Variants in KCNB2 observed in about 807,000 individuals in gnomAD.
KCNB2 encodes potassium voltage-gated channel subfamily B member 2.
In KCNB2, 15 loss-of-function variants were observed where a neutral mutation model predicts 61.5. The ratio of observed to expected loss-of-function variants is 0.24; its 90% confidence interval spans 0.16 to 0.38. The LOEUF (loss-of-function observed/expected upper bound fraction) is 0.38. Among genes scored for constraint, KCNB2 ranks in the 10% least tolerant of loss-of-function variants. KCNB2 has a pLI of 1.00. For synonymous variants in KCNB2, 457 were observed against 446.0 expected (o/e 1.02, Z -0.31); for missense variants, 828 against 1,125.2 (o/e 0.74, Z 3.78).
intron 2 of KCNB2, among the ~76,000 whole-genome samples, chr8:72,569,525 T>C (rs990146030): frequency 1.3e-5 from 2 of 152,184 alleles, no homozygotes; most frequent in Admixed American, 1.3e-4. Context: ...CTAAGTGAAA[T>C]AAAATGATAT....
Position 72,937,742 on chromosome 8 carries a change from T to C in KCNB2, c.2387T>C (p.Phe796Ser), listed in dbSNP as rs1165864641. The change falls in exon 3 of 3, where the codon TTC becomes TCC. Residue 796 changes from phenylalanine to serine, a missense_variant. By Grantham distance (155) the Phe-to-Ser change is radical. Around this residue, in one of 4 missense-constraint regions of KCNB2, gnomAD observed 559 missense variants for 588.4 expected, o/e 0.95. Transcript: ENST00000523207. ...TTTCCCAAGCAGAAACTGTTCCCTT[T>C]CTCTTCAAGAGAGAGGAGGAGCTTC... Reference protein sequence around the residue: ...PRFPKQKLFPFSSRERRSFTE... With the variant: ...PRFPKQKLFPSSSRERRSFTE... 6.2e-7 allele frequency: 1 copy of C among 1,613,724 alleles called. No homozygotes were observed. The highest frequency in any genetic ancestry group is 8.5e-7 in the Non-Finnish European group (1 of 1,180,008).
intron 2 of KCNB2, among the ~76,000 whole-genome samples, chr8:72,829,951 G>GA (rs1334149880): frequency 7.5e-6 from 1 of 134,018 alleles, no homozygotes; most frequent in African/African-American, 2.8e-5. Context: ...AGTAAGAAGG[G>GA]AAAAAGAAAT....
chr8:72,723,654 C>T (rs1471976867), intron 2 of KCNB2, among the ~76,000 whole-genome samples: 1 of 152,130 alleles, frequency 6.6e-6, no homozygotes, highest in Non-Finnish European at 1.5e-5. Flanking sequence ...TCTACCTAGC[C>T]TCAGACACTA....
chr8:72,549,921 C>T (rs2128977215), intron 1 of KCNB2, among the ~76,000 whole-genome samples: 1 of 152,302 alleles, frequency 6.6e-6, no homozygotes, highest in African/African-American at 2.4e-5. Flanking sequence ...TGTTAGATGT[C>T]ACTGCTCCTA....
chr8:72,651,408 T>C (rs1160581410), intron 2 of KCNB2, among the ~76,000 whole-genome samples: 2 of 152,138 alleles, frequency 1.3e-5, no homozygotes, highest in Admixed American at 6.6e-5. Flanking sequence ...TGGTGTTGGA[T>C]AACAAAACAG....
intron 2 of KCNB2, among the ~76,000 whole-genome samples, chr8:72,862,310 A>C (rs1805432969): frequency 6.6e-6 from 1 of 152,336 alleles, no homozygotes; most frequent in South Asian, 2.1e-4. Context: ...TTAAACAAAT[A>C]ATTAGTTTTC....
chr8:72,695,045 A>G (rs532693292), intron 2 of KCNB2, among the ~76,000 whole-genome samples: 1 of 152,220 alleles, frequency 6.6e-6, no homozygotes, highest in Non-Finnish European at 1.5e-5. Flanking sequence ...AAACTTCATC[A>G]TTATATGCCT....
At chr8:72,689,311 A>G (rs1412942099) in intron 2 of KCNB2, among the ~76,000 whole-genome samples, 1 of 152,230 alleles carries the variant, frequency 6.6e-6, no homozygotes, top group Non-Finnish European at 1.5e-5. Context: ...CACACAAGCA[A>G]TAAATGTAGT....
At chr8:72,935,462 T>G (rs1361737830) in intron 2 of KCNB2, among the ~76,000 whole-genome samples, 1 of 152,200 alleles carries the variant, frequency 6.6e-6, no homozygotes, top group East Asian at 1.9e-4. Context: ...TTGTACTGAG[T>G]GCCATGTTCT....
At chr8:72,564,740 C>G (rs1320665272) in intron 1 of KCNB2, among the ~76,000 whole-genome samples, 1 of 152,080 alleles carries the variant, frequency 6.6e-6, no homozygotes, top group East Asian at 1.9e-4. Flanking sequence ...GGGTTGAGGG[C>G]TCAGTAGAGA....
intron 2 of KCNB2, among the ~76,000 whole-genome samples, chr8:72,896,607 C>T (rs1214465823): frequency 1.3e-5 from 2 of 152,044 alleles, no homozygotes; most frequent in East Asian, 3.9e-4. Context: ...TCTAATTTTG[C>T]CAGCAGCAAA....
chr8:72,648,420 C>T (rs1806164096), intron 2 of KCNB2, among the ~76,000 whole-genome samples: 1 of 152,138 alleles, frequency 6.6e-6, no homozygotes, highest in Non-Finnish European at 1.5e-5. Flanking sequence ...CACAGGCATT[C>T]ACCACCCATG....
chr8:72,859,070 A>G (rs972006524), intron 2 of KCNB2, among the ~76,000 whole-genome samples: 1 of 152,158 alleles, frequency 6.6e-6, no homozygotes, highest in African/African-American at 2.4e-5. Flanking sequence ...AGTTTTCACA[A>G]TTAATGCCTC....
At chr8:72,686,774 G>C (rs192649304) in intron 2 of KCNB2, among the ~76,000 whole-genome samples, 123 of 152,262 alleles carry the variant, frequency 8.1e-4, no homozygotes, top group African/African-American at 2.8e-3. Flanking sequence ...TTGGTGATTT[G>C]GGTTAGAAAC....
In KCNB2 at chr8:72,783,739, C is replaced by T. The variant is rs564415788; in HGVS notation, c.580-152196C>T. 3.2e-4 allele frequency among the ~76,000 whole-genome samples: 49 copies of T among 152,254 alleles called. 1 individual carries two copies. In the South Asian group the frequency reaches 8.9e-3, roughly 28 times the overall value. On this transcript the variant is annotated intron_variant, in intron 2 of 2. Coordinates refer to ENST00000523207, the MANE Select transcript of KCNB2 (RefSeq NM_004770.3). Reference sequence around the variant, plus strand: ...CCAGGGACCTGCCTTTTGTTTCCTGCGTACACCAGGCACGTAGCCATTTGG... The same window carrying T: ...CCAGGGACCTGCCTTTTGTTTCCTGTGTACACCAGGCACGTAGCCATTTGG...
At chr8:72,835,389 G>T (rs10112118) in intron 2 of KCNB2, among the ~76,000 whole-genome samples, 22,933 of 152,144 alleles carry the variant, frequency 0.15, 2,363 homozygotes, top group African/African-American at 0.29. Flanking sequence ...AACAAGCTAA[G>T]CATAAGCTCC....
intron 2 of KCNB2, among the ~76,000 whole-genome samples, chr8:72,928,011 CA>C (rs1383159178): frequency 1.1e-4 from 17 of 151,946 alleles, no homozygotes; most frequent in Non-Finnish European, 1.5e-5. Flanking sequence ...AACATTTTTC[CA>C]ACAGGAAAAA....
At chr8:72,649,897 G>A (rs1311903206) in intron 2 of KCNB2, among the ~76,000 whole-genome samples, 1 of 152,120 alleles carries the variant, frequency 6.6e-6, no homozygotes, top group Non-Finnish European at 1.5e-5. Context: ...GATGACTTTT[G>A]CATCTCACTA....
chr8:72,796,315 A>G (rs1189035685), intron 2 of KCNB2, among the ~76,000 whole-genome samples: 1 of 152,300 alleles, frequency 6.6e-6, no homozygotes, highest in Admixed American at 6.5e-5. Flanking sequence ...CTGGGTTTTC[A>G]TCACAAATAC....
Sources: gnomAD v4.1 joint callset for allele counts (sites outside exome capture counted in the v4.1 genomes callset) on GRCh38, gnomAD v4.1.1 for gene constraint, gnomAD v4.1.1 regional missense constraint, MANE v1.5 for transcripts, NCBI Gene and HGNC (gene_info 2026-07-23, HGNC 2026-07-21) for gene names.